The following ELF1 variants were observed in gnomAD, a reference collection of about 807,000 sequenced individuals.
The protein encoded by ELF1 is E74 like ETS transcription factor 1.
A neutral mutation model predicts 59.9 loss-of-function variants in ELF1; 24 were observed. The ratio of observed to expected loss-of-function variants is 0.40; its 90% CI spans 0.29 to 0.56. ELF1 has a LOEUF of 0.56. ELF1 is among the 20% of genes least tolerant of loss of function. ELF1 has a pLI of 0.44. For missense variants in ELF1, 627 were observed against 742.2 expected (o/e 0.84, Z 1.80); for synonymous variants, 248 against 266.2 (o/e 0.93, Z 0.67).
intron 8 of ELF1, among the ~76,000 whole-genome samples, chr13:40,938,149 T>C (rs1173485137): frequency 6.6e-6 from 1 of 152,088 alleles, no homozygotes; most frequent in Non-Finnish European, 1.5e-5. Flanking sequence ...CTAAGAAAAA[T>C]TATTAATGCT....
At chr13:40,942,284 T>A (rs907512114) in intron 7 of ELF1, among the ~76,000 whole-genome samples, 5 of 152,204 alleles carry the variant, frequency 3.3e-5, no homozygotes, top group African/African-American at 1.2e-4. Flanking sequence ...AAATTTTATA[T>A]CTATATCTGT....
rs1263978059 is a variant in ELF1 at position 40,942,812 on chromosome 13, G to A, written c.806+140C>T. 1.5e-5 allele frequency: 13 copies of A among 886,902 alleles called. No individual in the cohort carries two copies. In the South Asian group the frequency reaches 1.8e-4, roughly 12 times the overall value. The allele number at this position is 886,902 out of a possible 1,614,324, so 54.9% of individuals were successfully genotyped here. ...GTTGGGATTACAGGCATGAGCCACCGCACCTGACTGAAAATGTACCCTCTT... is the reference window on the plus strand; with the variant it reads ...GTTGGGATTACAGGCATGAGCCACCACACCTGACTGAAAATGTACCCTCTT... On this transcript the variant is annotated intron_variant, in intron 7 of 8. Transcript: ENST00000239882.
chr13:41,043,636 G>A (rs1403670240), intron 1 of ELF1, among the ~76,000 whole-genome samples: 12 of 152,132 alleles, frequency 7.9e-5, no homozygotes, highest in Admixed American at 7.9e-4. Flanking sequence ...TTATTTCTGA[G>A]GGCTCTGTTC....
intron 2 of ELF1, among the ~76,000 whole-genome samples, chr13:40,965,466 T>TA (rs1485765185): frequency 1.3e-5 from 2 of 151,742 alleles, no homozygotes; most frequent in Admixed American, 6.6e-5. Flanking sequence ...TACTAAAAAA[T>TA]AAAAAAATTA....
In ELF1 at chr13:40,958,760, C is replaced by T. The variant is rs1326693110; in HGVS notation, c.253+76G>A. 65 of 1,460,042 alleles carry T rather than the reference C, an allele frequency of 4.5e-5. 2 individuals carry two copies. In the East Asian group the frequency reaches 1.4e-3, roughly 31 times the overall value. The allele number at this position is 1,460,042 out of a possible 1,614,324, so 90.4% of individuals were successfully genotyped here. A position where few individuals can be genotyped will look rare whatever the true frequency, so the allele number is the denominator to read the frequency against. On this transcript the variant is annotated intron_variant, in intron 3 of 8. Transcript: ENST00000239882. ...AAAACCAAGTTAGGGGCGTTTTATG[C>T]CCCCACATCCTCAGGATTAGGACAC...
At chr13:41,032,876 A>G (rs1876228091) in intron 1 of ELF1, among the ~76,000 whole-genome samples, 1 of 151,840 alleles carries the variant, frequency 6.6e-6, no homozygotes, top group African/African-American at 2.4e-5. Context: ...CAAACCAAAG[A>G]AAAAACTTAG....
In ELF1 at chr13:40,942,966, C is replaced by T; in HGVS notation, c.792G>A (p.Met264Ile). Reference sequence around the variant, plus strand: ...ACTTCGCATACCTGAGTGCTCTTCCCATGGTCTCATAATTCATATCAGGTT... The same window carrying T: ...ACTTCGCATACCTGAGTGCTCTTCCTATGGTCTCATAATTCATATCAGGTT... ...KNKPDMNYET[M>I]GRALRYYYQR... is the part of the protein sequence containing the mutation. The change falls in exon 7 of 9, where the codon ATG (methionine) becomes ATA (isoleucine). Residue 264 changes from methionine to isoleucine, a missense_variant. This residue lies in a region of ELF1 where 34 missense variants were observed against 76.8 expected (regional missense o/e 0.44). Coordinates refer to ENST00000239882, the MANE Select transcript of ELF1 (RefSeq NM_172373.4). 6.3e-7 allele frequency: 1 copy of T among 1,596,970 alleles called. No individual in the cohort carries two copies. The highest frequency in any genetic ancestry group is 8.5e-7 in the Non-Finnish European group (1 of 1,170,656).
chr13:40,991,540 G>T (rs1292328439), intron 1 of ELF1, among the ~76,000 whole-genome samples: 1 of 152,098 alleles, frequency 6.6e-6, no homozygotes, highest in Non-Finnish European at 1.5e-5. Flanking sequence ...GTCTCCCAAA[G>T]TGCTGGGGTT....
intron 1 of ELF1, among the ~76,000 whole-genome samples, chr13:41,026,068 T>C (rs1208522008): frequency 6.6e-6 from 1 of 152,214 alleles, no homozygotes; most frequent in South Asian, 2.1e-4. Context: ...GGTAACATAT[T>C]AGTCCATTAT....
intron 2 of ELF1, among the ~76,000 whole-genome samples, chr13:40,961,008 T>A (rs913264069): frequency 6.6e-6 from 1 of 152,202 alleles, no homozygotes; most frequent in Non-Finnish European, 1.5e-5. Flanking sequence ...TTCCTGCTCA[T>A]AGATAATAAT....
chr13:41,052,388 T>C (rs928531042), intron 1 of ELF1, among the ~76,000 whole-genome samples: 2 of 152,194 alleles, frequency 1.3e-5, no homozygotes, highest in Admixed American at 6.5e-5. Flanking sequence ...TAAGTGCTGG[T>C]GAAATGTTAA....
rs527769896 is a variant in ELF1 at position 40,977,600 on chromosome 13, T to C, written c.72+4383A>G. ...AGACCATAACTGAAAACAAAAAATA[T>C]ATTCTAATCTGGTGCCTTCAGTGAT... On this transcript the variant is annotated intron_variant, in intron 2 of 8. Transcript: ENST00000239882. Among the ~76,000 whole-genome samples the C allele has an allele frequency of 5.3e-5, 8 of 152,302 alleles. No individual in the cohort carries two copies. In the South Asian group the frequency reaches 1.2e-3, roughly 24 times the overall value.
intron 1 of ELF1, among the ~76,000 whole-genome samples, chr13:41,060,458 G>A (rs1381254824): frequency 6.6e-6 from 1 of 152,024 alleles, no homozygotes; most frequent in African/African-American, 2.4e-5. Context: ...AGGGGCGGGG[G>A]AGCAGCCCAG....
chr13:40,939,721 C>T (rs1870013260), intron 8 of ELF1, among the ~76,000 whole-genome samples: 1 of 152,190 alleles, frequency 6.6e-6, no homozygotes, highest in Non-Finnish European at 1.5e-5. Context: ...AGGAAATGCT[C>T]ACGGGAGCAT....
chr13:41,026,121 G>A (rs1170524232), intron 1 of ELF1, among the ~76,000 whole-genome samples: 3 of 152,162 alleles, frequency 2.0e-5, no homozygotes, highest in Admixed American at 6.5e-5. Context: ...GCAACGAGTA[G>A]CAACTACTCT....
intron 1 of ELF1, among the ~76,000 whole-genome samples, chr13:40,998,968 G>A (rs1259761273): frequency 6.6e-6 from 1 of 152,108 alleles, no homozygotes; most frequent in Non-Finnish European, 1.5e-5. Flanking sequence ...CAGCCCGGGC[G>A]ACTGAGCAAG....
intron 2 of ELF1, among the ~76,000 whole-genome samples, chr13:40,972,464 C>G (rs1872617648): frequency 6.6e-6 from 1 of 152,160 alleles, no homozygotes; most frequent in South Asian, 2.1e-4. Context: ...CAGAACAAAA[C>G]AAAACGATCT....
In ELF1 at chr13:41,017,205, G is replaced by T. The variant is rs938007675; in HGVS notation, c.-229+2023C>A. 5.8e-4 allele frequency among the ~76,000 whole-genome samples: 88 copies of T among 151,742 alleles called. 1 individual carries two copies. Among genetic ancestry groups the T allele is most frequent in the African/African-American group, 2.1e-3 (86 of 41,340 alleles). ...TCAAAATCATTGGTTGATCCATTTG[G>T]TTGCAACTTATCACCAAGATTATCA... On this transcript the variant is annotated intron_variant, in intron 1 of 8. Coordinates refer to ENST00000239882, the MANE Select transcript of ELF1 (RefSeq NM_172373.4).
intron 4 of ELF1, 60 bp downstream of exon 4, chr13:40,951,269 A>G: frequency 7.6e-7 from 1 of 1,322,346 alleles, no homozygotes; most frequent in East Asian, 2.4e-5. Context: ...TTACTAATAA[A>G]GAAAGATGGC....
Sources: allele counts gnomAD v4.1 joint callset (sites outside exome capture counted in the v4.1 genomes callset), GRCh38; gene constraint gnomAD v4.1.1; regional missense constraint gnomAD v4.1.1; transcripts MANE v1.5; gene names NCBI Gene and HGNC (gene_info 2026-07-23, HGNC 2026-07-21).